The following CACNG4 variants were observed in gnomAD, a reference collection of about 807,000 sequenced individuals.
The protein encoded by CACNG4 is voltage-dependent calcium channel gamma-4 subunit.
A neutral mutation model predicts 22.9 loss-of-function variants in CACNG4; 8 were observed. That is an observed-to-expected ratio of 0.35 (90% CI 0.21 to 0.63). The LOEUF is 0.63. Among genes scored for constraint, CACNG4 ranks in the 30% least tolerant of loss-of-function variants. CACNG4 has a pLI of 0.72. For missense variants in CACNG4, 357 were observed against 455.4 expected, an observed-to-expected ratio of 0.78 and a Z score of 1.97; for synonymous variants, 188 against 191.9, an observed-to-expected ratio of 0.98 and a Z score of 0.17.
At chr17:67,028,525 C>A (rs1014800596) in intron 3 of CACNG4, among the ~76,000 whole-genome samples, 3 of 151,986 alleles carry the variant, frequency 2.0e-5, no homozygotes, top group African/African-American at 7.3e-5. Flanking sequence ...TGCACTCCAG[C>A]CTGGGGGACA....
Position 67,025,012 on chromosome 17 carries a change from G to A in CACNG4, c.445+12G>A, listed in dbSNP as rs770035638. 9.5e-6 allele frequency: 15 copies of A among 1,575,480 alleles called. No individual in the cohort carries two copies. Among genetic ancestry groups the A allele is most frequent in the South Asian group, 5.9e-5 (5 of 84,488 alleles). ...CTTCGTGGCTGCAGGTGAGCCGCCC[G>A]CCCGGGCTGGTGCTGGGCCGGGAGC... On this transcript the variant is annotated intron_variant, in intron 3 of 3. Transcript: ENST00000262138.
intron 1 of CACNG4, among the ~76,000 whole-genome samples, chr17:66,987,060 G>A (rs935679440): frequency 1.3e-5 from 2 of 152,180 alleles, no homozygotes; most frequent in Admixed American, 6.5e-5. Context: ...CAGCAGATTC[G>A]TGGTTGCCAG....
chr17:67,023,567 G>A (rs1461182205), intron 2 of CACNG4, among the ~76,000 whole-genome samples: 3 of 117,236 alleles, frequency 2.6e-5, no homozygotes, highest in African/African-American at 9.4e-5. Flanking sequence ...GAGCCACCGC[G>A]CCCAGCCCTT....
At chr17:66,981,773 G>A (rs1264066796) in intron 1 of CACNG4, among the ~76,000 whole-genome samples, 1 of 152,186 alleles carries the variant, frequency 6.6e-6, no homozygotes, top group Non-Finnish European at 1.5e-5. Context: ...AATGCCTGCT[G>A]AGCCCTTGCT....
chr17:66,996,101 G>A (rs978575034), intron 1 of CACNG4, among the ~76,000 whole-genome samples: 1 of 152,240 alleles, frequency 6.6e-6, no homozygotes, highest in Non-Finnish European at 1.5e-5. Context: ...GGTTGACTTA[G>A]GAGGTTGATG....
rs1392347874 is a variant in CACNG4 at position 66,979,347 on chromosome 17, C to T, written c.220+14216C>T. ...GTCAGTCTTTTGAGAGTTCTTGAAG[C>T]ATTTCCTAGATAAAAATGTATTATT... On this transcript the variant is annotated intron_variant, in intron 1 of 3. Transcript: ENST00000262138. Among the ~76,000 whole-genome samples, 14 of 151,366 alleles carry T rather than the reference C, an allele frequency of 9.2e-5. No homozygotes were observed. The Admixed American group carries it at 9.3e-4, about 10-fold the overall frequency.
intron 1 of CACNG4, among the ~76,000 whole-genome samples, chr17:66,969,484 A>G (rs1285192864): frequency 1.3e-5 from 2 of 152,174 alleles, no homozygotes; most frequent in Non-Finnish European, 2.9e-5. Context: ...GGGGGAAGTT[A>G]TGGAGAAGGT....
intron 1 of CACNG4, among the ~76,000 whole-genome samples, chr17:67,007,698 C>G (rs1012374134): frequency 1.3e-5 from 2 of 152,290 alleles, no homozygotes; most frequent in Non-Finnish European, 1.5e-5. Flanking sequence ...AGGGCAGAGA[C>G]CATGTCTGTC....
At chr17:66,966,309 G>A (rs1371305103) in intron 1 of CACNG4, among the ~76,000 whole-genome samples, 4 of 152,224 alleles carry the variant, frequency 2.6e-5, no homozygotes, top group African/African-American at 7.2e-5. Flanking sequence ...ACCGGGTGGA[G>A]GGAGTTGGTG....
intron 1 of CACNG4, among the ~76,000 whole-genome samples, chr17:66,982,023 A>C (rs1288413675): frequency 1.3e-5 from 2 of 152,180 alleles, no homozygotes; most frequent in African/African-American, 4.8e-5. Context: ...GAGTTGATTC[A>C]TTCTGATAGG....
intron 2 of CACNG4, among the ~76,000 whole-genome samples, chr17:67,019,668 C>A (rs921709546): frequency 6.6e-6 from 1 of 152,202 alleles, no homozygotes; most frequent in African/African-American, 2.4e-5. Flanking sequence ...GCTCTGGGGG[C>A]AGATGTGCCC....
chr17:66,968,910 T>C (rs551913694), intron 1 of CACNG4, among the ~76,000 whole-genome samples: 116 of 151,596 alleles, frequency 7.7e-4, no homozygotes, highest in African/African-American at 2.7e-3. Context: ...TTTTCTCTCC[T>C]TCCACTGTGT....
chr17:66,980,741 C>T (rs1035859127), intron 1 of CACNG4, among the ~76,000 whole-genome samples: 3 of 150,976 alleles, frequency 2.0e-5, no homozygotes, highest in African/African-American at 4.9e-5. Context: ...GCCTCAGCCT[C>T]CTGAGTAGCT....
chr17:66,970,193 C>T (rs186653031), intron 1 of CACNG4, among the ~76,000 whole-genome samples: 66 of 152,328 alleles, frequency 4.3e-4, no homozygotes, highest in African/African-American at 1.5e-3. Context: ...AGTATTGCAT[C>T]TCACTCCCCG....
chr17:66,996,996 C>T (rs577498246), intron 1 of CACNG4, among the ~76,000 whole-genome samples: 3 of 152,184 alleles, frequency 2.0e-5, no homozygotes, highest in African/African-American at 7.2e-5. Context: ...GAGCTCCCTG[C>T]GGAGCTCAGG....
intron 1 of CACNG4, among the ~76,000 whole-genome samples, chr17:66,974,196 G>A (rs929479508): frequency 6.6e-6 from 1 of 152,200 alleles, no homozygotes; most frequent in Non-Finnish European, 1.5e-5. Context: ...AGCCAGCTGG[G>A]GGCCGAGGCA....
chr17:67,019,740 T>C (rs949272420), intron 2 of CACNG4, among the ~76,000 whole-genome samples: 1 of 152,192 alleles, frequency 6.6e-6, no homozygotes, highest in Non-Finnish European at 1.5e-5. Flanking sequence ...TCCCTCTCCA[T>C]TTCCCACTGG....
At chr17:66,982,417 T>C (rs758170181) in intron 1 of CACNG4, among the ~76,000 whole-genome samples, 1 of 152,070 alleles carries the variant, frequency 6.6e-6, no homozygotes, top group Non-Finnish European at 1.5e-5. Context: ...AGAGTACCAA[T>C]TGGCGCATTT....
At chr17:67,013,307 C>T (rs1405890092) in intron 1 of CACNG4, among the ~76,000 whole-genome samples, 1 of 152,168 alleles carries the variant, frequency 6.6e-6, no homozygotes, top group African/African-American at 2.4e-5. Context: ...AGACACACCA[C>T]CTCATTTTCA....
Sources: allele counts gnomAD v4.1 joint callset (sites outside exome capture counted in the v4.1 genomes callset), GRCh38; gene constraint gnomAD v4.1.1; transcripts MANE v1.5; gene names NCBI Gene and HGNC (gene_info 2026-07-23, HGNC 2026-07-21).